Variants in AGMO observed in about 807,000 individuals in gnomAD.
The protein encoded by AGMO is alkylglycerol monooxygenase.
A neutral mutation model predicts 60.2 loss-of-function variants in AGMO; 75 were observed. The observed-to-expected ratio is 1.25, with a 90% CI of 1.03 to 1.51. The LOEUF is 1.51. Among genes scored for constraint, AGMO ranks in the 40% most tolerant of loss-of-function variants. The pLI, the probability that AGMO is intolerant of heterozygous loss-of-function variation, is 0.00. For missense variants in AGMO, 763 were observed against 525.5 expected, an observed-to-expected ratio of 1.45 and a Z score of -4.42; for synonymous variants, 261 against 177.1, an observed-to-expected ratio of 1.47 and a Z score of -3.76.
At chr7:15,524,099 A>G (rs547791712) in intron 3 of AGMO, among the ~76,000 whole-genome samples, 66 of 152,066 alleles carry the variant, frequency 4.3e-4, no homozygotes, top group Non-Finnish European at 8.4e-4. Context: ...ATTAATATAT[A>G]CTATTATTAT....
intron 3 of AGMO, among the ~76,000 whole-genome samples, chr7:15,450,193 G>A (rs1171101408): frequency 6.6e-6 from 1 of 152,052 alleles, no homozygotes; most frequent in Non-Finnish European, 1.5e-5. Context: ...GGCCGAGGCG[G>A]GCAGATCACG....
chr7:15,285,431 T>C (rs1244941507), intron 12 of AGMO, among the ~76,000 whole-genome samples: 1 of 151,978 alleles, frequency 6.6e-6, no homozygotes, highest in Non-Finnish European at 1.5e-5. Flanking sequence ...ATACCAACAA[T>C]GATCAATCTG....
intron 5 of AGMO, among the ~76,000 whole-genome samples, chr7:15,400,007 C>T (rs1784512559): frequency 6.6e-6 from 1 of 152,166 alleles, no homozygotes; most frequent in Non-Finnish European, 1.5e-5. Flanking sequence ...GTTTTCCTTT[C>T]TCTGAATGCA....
rs7794659 is a variant in AGMO, at chr7:15,244,162, T to G, written c.1264-42803A>C. On this transcript the variant is annotated intron_variant, in intron 12 of 12. Transcript: ENST00000342526. ...AAGGGAAAATAAAAATGCATATATA[T>G]AATTTAAATTTGTACAATAAATAGA... 3.7e-3 allele frequency among the ~76,000 whole-genome samples: 538 copies of G among 145,696 alleles called. 1 individual carries two copies. Among genetic ancestry groups the G allele is most frequent in the Middle Eastern group, 0.011 (3 of 278 alleles).
intron 3 of AGMO, among the ~76,000 whole-genome samples, chr7:15,435,965 A>G (rs1446179622): frequency 6.6e-6 from 1 of 152,220 alleles, no homozygotes; most frequent in Non-Finnish European, 1.5e-5. Context: ...AAATTTTCAC[A>G]GACATATAAG....
chr7:15,337,244 C>A (rs1781692250), intron 12 of AGMO, among the ~76,000 whole-genome samples: 1 of 152,094 alleles, frequency 6.6e-6, no homozygotes, highest in Admixed American at 6.5e-5. Flanking sequence ...AAAATGGTGC[C>A]AAAGACTGGA....
intron 12 of AGMO, among the ~76,000 whole-genome samples, chr7:15,274,671 G>T (rs971603435): frequency 1.3e-5 from 2 of 149,108 alleles, no homozygotes; most frequent in African/African-American, 2.5e-5. Flanking sequence ...TAGAAGTTCA[G>T]TTGTGGATCC....
intron 12 of AGMO, among the ~76,000 whole-genome samples, chr7:15,262,385 T>C (rs1468263451): frequency 1.8e-4 from 28 of 151,804 alleles, no homozygotes; most frequent in Admixed American, 1.7e-3. Flanking sequence ...AATAACTGCA[T>C]AAATAAAATA....
chr7:15,211,982 A>G (rs1278831782), intron 12 of AGMO, among the ~76,000 whole-genome samples: 2 of 152,010 alleles, frequency 1.3e-5, no homozygotes, highest in Admixed American at 1.3e-4. Context: ...AGAACTGCAA[A>G]GGAAAGGGCC....
At chr7:15,521,205 T>C (rs1347999360) in intron 3 of AGMO, among the ~76,000 whole-genome samples, 1 of 152,140 alleles carries the variant, frequency 6.6e-6, no homozygotes, top group South Asian at 2.1e-4. Context: ...CAGTAATTAA[T>C]AGCCTACCAA....
At chr7:15,139,582 T>C in the AGMO span, among the ~76,000 whole-genome samples, 1 of 152,048 alleles carries the variant, frequency 6.6e-6, no homozygotes, top group Non-Finnish European at 1.5e-5. Context: ...TTCTCATCAT[T>C]TAGCTCTCAA....
the AGMO span, among the ~76,000 whole-genome samples, chr7:15,162,632 T>A: frequency 6.6e-6 from 1 of 152,140 alleles, no homozygotes; most frequent in Non-Finnish European, 1.5e-5. Context: ...AGGTTGAGGC[T>A]ACATTGAGCT....
At chr7:15,307,138 C>T (rs7810398) in intron 12 of AGMO, among the ~76,000 whole-genome samples, 84,079 of 151,662 alleles carry the variant, frequency 0.55, 23,717 homozygotes, top group African/African-American at 0.68. Context: ...TCATATATTA[C>T]AATATCTTAT....
intron 12 of AGMO, among the ~76,000 whole-genome samples, chr7:15,301,901 G>C (rs1210824338): frequency 6.6e-6 from 1 of 152,128 alleles, no homozygotes; most frequent in Non-Finnish European, 1.5e-5. Flanking sequence ...TAAGGCTCAT[G>C]AAAGTCAAAA....
chr7:15,273,355 G>A (rs138720172), intron 12 of AGMO, among the ~76,000 whole-genome samples: 5 of 152,110 alleles, frequency 3.3e-5, no homozygotes, highest in Non-Finnish European at 5.9e-5. Flanking sequence ...TGGCTAGTCA[G>A]TTTTCCCAGC....
intron 10 of AGMO, among the ~76,000 whole-genome samples, chr7:15,383,047 G>C (rs772844913): frequency 1.3e-5 from 2 of 151,814 alleles, no homozygotes; most frequent in Non-Finnish European, 2.9e-5. Context: ...TGAGGATCCT[G>C]TGTAGTTGAC....
chr7:15,354,357 CGTGTGTATATAG>C (rs1782386318), intron 12 of AGMO, among the ~76,000 whole-genome samples: 5 of 74,684 alleles, frequency 6.7e-5, no homozygotes, highest in African/African-American at 2.1e-4. Context: ...TGTATATAGA[CGTGTGTATATAG>C]ACGTGTGTAT....
chr7:15,402,256 C>T (rs1784568529), intron 5 of AGMO, among the ~76,000 whole-genome samples: 1 of 151,978 alleles, frequency 6.6e-6, no homozygotes, highest in South Asian at 2.1e-4. Flanking sequence ...CACTTTTCTT[C>T]TCCCACACCT....
intron 3 of AGMO, among the ~76,000 whole-genome samples, chr7:15,440,055 AGG>A (rs1414126315): frequency 6.6e-6 from 1 of 152,200 alleles, no homozygotes; most frequent in Non-Finnish European, 1.5e-5. Context: ...AGAAAGCGAG[AGG>A]GGGTTTCTGA....
Sources: allele counts gnomAD v4.1 joint callset (sites outside exome capture counted in the v4.1 genomes callset), GRCh38; gene constraint gnomAD v4.1.1; transcripts MANE v1.5; gene names NCBI Gene and HGNC (gene_info 2026-07-23, HGNC 2026-07-21).